The following FRAS1 variants were observed in gnomAD, a reference collection of about 807,000 sequenced individuals.
FRAS1 encodes the protein Fraser extracellular matrix complex subunit 1.
A neutral mutation model predicts 435.2 loss-of-function variants in FRAS1; 290 were observed. The observed-to-expected ratio is 0.67, with a 90% CI of 0.61 to 0.73. The LOEUF is 0.73. FRAS1 is among the 30% of genes least tolerant of loss of function. The pLI is 0.00. For synonymous variants in FRAS1, 1,800 were observed against 1,851.0 expected (o/e 0.97, Z 0.71); for missense variants, 4,860 against 5,001.5 (o/e 0.97, Z 0.85).
At chr4:78,252,250 C>A in intron 4 of FRAS1, 142 bp from the exon 5 acceptor site, 2 of 734,834 alleles carry the variant, frequency 2.7e-6, no homozygotes, top group East Asian at 5.8e-5. Flanking sequence ...CCACTCTCAA[C>A]CTTGCAAGCT....
chr4:78,446,521 A>G, intron 42 of FRAS1: 3 of 1,358,888 alleles, frequency 2.2e-6, no homozygotes, highest in Non-Finnish European at 2.8e-6. Flanking sequence ...TGAAATGTCC[A>G]TCAGCTTCTT....
chr4:78,173,795 G>A (rs757941652), intron 2 of FRAS1, among the ~76,000 whole-genome samples: 1 of 152,302 alleles, frequency 6.6e-6, no homozygotes, highest in Non-Finnish European at 1.5e-5. Flanking sequence ...TTCTTACTGG[G>A]AGGCTATGGA....
At chr4:78,242,509 C>A (rs1725047535) in intron 3 of FRAS1, among the ~76,000 whole-genome samples, 1 of 152,214 alleles carries the variant, frequency 6.6e-6, no homozygotes, top group African/African-American at 2.4e-5. Context: ...GATCTCTGCT[C>A]ACTGTAACCT....
Position 78,255,236 on chromosome 4 carries a change from T to G in FRAS1, c.470-6T>G. The stretch of plus-strand genomic sequence containing the variant: ...CCTAGTAATCCTTGTTTCTTTGACC[T>G]TCCAGAACCCTGTTCCTATGAAGGC... On this transcript the variant is annotated splice_polypyrimidine_tract_variant and splice_region_variant and intron_variant, in intron 5 of 73. Coordinates refer to ENST00000512123, the MANE Select transcript of FRAS1 (RefSeq NM_025074.7). The G allele has an allele frequency of 1.3e-6, 2 of 1,551,822 alleles. No homozygotes were observed. Among genetic ancestry groups the G allele is most frequent in the Non-Finnish European group, 1.7e-6 (2 of 1,146,990 alleles).
intron 22 of FRAS1, among the ~76,000 whole-genome samples, chr4:78,369,465 A>G (rs1482725848): frequency 1.3e-5 from 2 of 152,208 alleles, no homozygotes; most frequent in Non-Finnish European, 2.9e-5. Flanking sequence ...CCATCACACA[A>G]AAACCTGAAT....
chr4:78,097,558 T>G (rs7672583), intron 2 of FRAS1, among the ~76,000 whole-genome samples: 42,629 of 152,106 alleles, frequency 0.28, 6,317 homozygotes, highest in African/African-American at 0.35. Flanking sequence ...AAGGCAAGGA[T>G]GAGCAAGTCA....
chr4:78,525,312 G>A (rs1721500746), intron 69 of FRAS1, among the ~76,000 whole-genome samples: 1 of 152,150 alleles, frequency 6.6e-6, no homozygotes, highest in Non-Finnish European at 1.5e-5. Context: ...ATTTAAATAT[G>A]GTATACAAAG....
chr4:78,176,124 G>A lies in FRAS1; in HGVS notation c.109-61386G>A, dbSNP rs146583640. Among the ~76,000 whole-genome samples, 683 of 152,296 alleles carry A rather than the reference G, an allele frequency of 4.5e-3. 5 individuals carry two copies. Among genetic ancestry groups the A allele is most frequent in the African/African-American group, 0.016 (645 of 41,554 alleles). Reference sequence around the variant, plus strand: ...AATACCTGTAGTTGGTTATACCCTGGTTCAGAAATGAAGTAATTTTTCTTT... The same window carrying A: ...AATACCTGTAGTTGGTTATACCCTGATTCAGAAATGAAGTAATTTTTCTTT... On this transcript the variant is annotated intron_variant, in intron 2 of 73. Transcript: ENST00000512123.
In FRAS1 at chr4:78,448,109, G is replaced by A; in HGVS notation, c.6067G>A (p.Val2023Ile). The change falls in exon 44 of 74, where the codon GTC (valine) becomes ATC (isoleucine). Residue 2023 changes from valine to isoleucine, a missense_variant. By Grantham distance (29) the Val-to-Ile change is conservative (BLOSUM62 3). Transcript: ENST00000512123. ...GCCTCTGGAGAATGGGAGAGTTTTA[G>A]TCCAGGGCTCAACCTTCACCTACCA... ...SEPLENGRVL[V>I]QGSTFTYQDI... is the part of the protein sequence containing the mutation. The A allele has an allele frequency of 1.2e-6, 2 of 1,613,498 alleles. No individual in the cohort carries two copies. The highest frequency in any genetic ancestry group is 1.7e-6 in the Non-Finnish European group (2 of 1,179,716).
chr4:78,355,400 A>G (rs1730810379), intron 20 of FRAS1, among the ~76,000 whole-genome samples: 1 of 152,124 alleles, frequency 6.6e-6, no homozygotes, highest in Non-Finnish European at 1.5e-5. Flanking sequence ...TGAGTCTTAT[A>G]TTTAAAGACT....
intron 43 of FRAS1, among the ~76,000 whole-genome samples, chr4:78,447,616 G>T (rs1718893344): frequency 6.6e-6 from 1 of 152,142 alleles, no homozygotes; most frequent in Admixed American, 6.5e-5. Context: ...TCAATCTAAA[G>T]ATGCTTAGTG....
intron 2 of FRAS1, among the ~76,000 whole-genome samples, chr4:78,176,281 A>G (rs1721774806): frequency 1.3e-5 from 2 of 152,224 alleles, no homozygotes; most frequent in Non-Finnish European, 2.9e-5. Flanking sequence ...CTTGGAATAC[A>G]GCATCCCATT....
intron 18 of FRAS1, among the ~76,000 whole-genome samples, chr4:78,328,474 A>G (rs1729804735): frequency 6.6e-6 from 1 of 152,202 alleles, no homozygotes. Flanking sequence ...TTGTGTTAAC[A>G]ATATTATTTA....
chr4:78,212,262 C>T (rs1723545958), intron 2 of FRAS1, among the ~76,000 whole-genome samples: 1 of 152,186 alleles, frequency 6.6e-6, no homozygotes, highest in Admixed American at 6.5e-5. Flanking sequence ...GTTACCTTCT[C>T]TGTGGAACCT....
chr4:78,383,899 A>C (rs1331851542), intron 27 of FRAS1, among the ~76,000 whole-genome samples, 160 bp from the exon 28 acceptor site: 2 of 152,206 alleles, frequency 1.3e-5, no homozygotes, highest in African/African-American at 4.8e-5. Flanking sequence ...GTTCATCTTT[A>C]TCTGGTAGTT....
intron 14 of FRAS1, among the ~76,000 whole-genome samples, chr4:78,297,140 G>A (rs992725234): frequency 7.2e-5 from 11 of 152,208 alleles, no homozygotes; most frequent in Admixed American, 5.2e-4. Flanking sequence ...ATAACAGAAT[G>A]AAGGAATTTG....
intron 32 of FRAS1, 120 bp downstream of exon 32, chr4:78,413,205 G>A: frequency 1.8e-6 from 1 of 548,738 alleles, no homozygotes; most frequent in Non-Finnish European, 3.2e-6. Context: ...CACAGACTTG[G>A]GGGCCAAAAA....
chr4:78,389,284 A>G (rs1418328503), intron 29 of FRAS1, among the ~76,000 whole-genome samples: 1 of 152,270 alleles, frequency 6.6e-6, no homozygotes, highest in African/African-American at 2.4e-5. Context: ...ATCACTGCCT[A>G]CTGAGGTGTC....
intron 67 of FRAS1, 43 bp downstream of exon 67, chr4:78,519,524 C>T: frequency 6.3e-7 from 1 of 1,580,498 alleles, no homozygotes; most frequent in East Asian, 2.3e-5. Flanking sequence ...GTTAGGGCTT[C>T]ACTCAAGCAA....
Sources: gnomAD v4.1 joint callset for allele counts (sites outside exome capture counted in the v4.1 genomes callset) on GRCh38, gnomAD v4.1.1 for gene constraint, MANE v1.5 for transcripts, NCBI Gene and HGNC (gene_info 2026-07-23, HGNC 2026-07-21) for gene names.